The following ATP8B4 variants were observed in gnomAD, a reference collection of about 807,000 sequenced individuals.
ATP8B4 encodes the protein ATPase phospholipid transporting 8B4 (putative), also known as probable phospholipid-transporting ATPase IM.
A neutral mutation model predicts 145.6 loss-of-function variants in ATP8B4; 133 were observed. That is an observed-to-expected ratio of 0.91 (90% confidence interval 0.79 to 1.05). The LOEUF (loss-of-function observed/expected upper bound fraction) is 1.05. ATP8B4 is among the 50% of genes least tolerant of loss of function. ATP8B4 has a pLI of 0.00. For synonymous variants in ATP8B4, 507 were observed against 492.9 expected, an observed-to-expected ratio of 1.03 and a Z score of -0.38; for missense variants, 1,458 against 1,425.2, an observed-to-expected ratio of 1.02 and a Z score of -0.37.
chr15:50,107,066 A>G (rs1334778877), intron 1 of ATP8B4, 58 bp from the exon 2 acceptor site: 8 of 1,136,452 alleles, frequency 7.0e-6, no homozygotes, highest in Non-Finnish European at 9.8e-6. Context: ...CTATAAATTT[A>G]CCTCCTTTAA....
chr15:50,179,661 C>T (rs2044815743), intron 1 of ATP8B4, among the ~76,000 whole-genome samples: 1 of 152,134 alleles, frequency 6.6e-6, no homozygotes, highest in East Asian at 1.9e-4. Context: ...GCAGAGCCCT[C>T]ATGAATGGGA....
intron 6 of ATP8B4, among the ~76,000 whole-genome samples, chr15:50,038,547 G>T (rs892727309): frequency 2.0e-5 from 3 of 152,112 alleles, no homozygotes; most frequent in Admixed American, 6.5e-5. Flanking sequence ...TCCATAAAAG[G>T]TACACCAAAG....
chr15:49,969,889 C>A (rs1255231262), intron 13 of ATP8B4, among the ~76,000 whole-genome samples: 1 of 152,142 alleles, frequency 6.6e-6, no homozygotes, highest in East Asian at 1.9e-4. Flanking sequence ...TACTGGCAAA[C>A]CAAATCCAGC....
At chr15:49,872,325 TACAGTTTTA>T (rs967973814) in intron 25 of ATP8B4, among the ~76,000 whole-genome samples, 1 of 152,176 alleles carries the variant, frequency 6.6e-6, no homozygotes, top group Non-Finnish European at 1.5e-5. Flanking sequence ...TTACACCTGC[TACAGTTTTA>T]ACATATAACC....
intron 12 of ATP8B4, among the ~76,000 whole-genome samples, chr15:49,974,079 G>C (rs971187930): frequency 7.7e-6 from 1 of 129,836 alleles, no homozygotes; most frequent in African/African-American, 3.1e-5. Flanking sequence ...TTTATCATTT[G>C]TCTTTTTTTT....
intron 1 of ATP8B4, among the ~76,000 whole-genome samples, chr15:50,108,136 T>A (rs548161567): frequency 1.1e-4 from 16 of 152,130 alleles, no homozygotes; most frequent in Non-Finnish European, 2.2e-4. Flanking sequence ...AACTCCCCTG[T>A]TGCTCCCTCC....
chr15:50,129,297 G>C (rs2057328810), intron 1 of ATP8B4, among the ~76,000 whole-genome samples: 1 of 152,142 alleles, frequency 6.6e-6, no homozygotes, highest in Non-Finnish European at 1.5e-5. Flanking sequence ...AAGGGAAACT[G>C]ATTCTCTCAC....
intron 20 of ATP8B4, among the ~76,000 whole-genome samples, chr15:49,903,175 T>C (rs1407331872): frequency 6.6e-6 from 1 of 152,204 alleles, no homozygotes; most frequent in East Asian, 1.9e-4. Flanking sequence ...CCACGCTCTG[T>C]AGCTGTCATT....
intron 4 of ATP8B4, among the ~76,000 whole-genome samples, chr15:50,046,471 C>T (rs2051730973): frequency 6.6e-6 from 1 of 152,174 alleles, no homozygotes; most frequent in Admixed American, 6.5e-5. Flanking sequence ...CCCATGAATC[C>T]AGTAATACCT....
At chr15:50,060,035 T>C (rs2153621680) in intron 3 of ATP8B4, among the ~76,000 whole-genome samples, 1 of 152,268 alleles carries the variant, frequency 6.6e-6, no homozygotes, top group South Asian at 2.1e-4. Context: ...ATGAGTTGCC[T>C]ATACCCTCAG....
At chr15:49,962,973 C>T (rs906297352) in intron 13 of ATP8B4, among the ~76,000 whole-genome samples, 2 of 151,986 alleles carry the variant, frequency 1.3e-5, no homozygotes, top group Admixed American at 6.6e-5. Flanking sequence ...TCAGAGTGAA[C>T]AGACAACCTA....
intron 8 of ATP8B4, among the ~76,000 whole-genome samples, chr15:49,999,053 T>A (rs2047670881): frequency 6.6e-6 from 1 of 152,148 alleles, no homozygotes; most frequent in Non-Finnish European, 1.5e-5. Context: ...TAGTTGTAGA[T>A]AAATCATGCT....
chr15:50,102,544 GAACAAACAGAAACTCTGAACAGACCAAT>G (rs1334417297), intron 2 of ATP8B4, among the ~76,000 whole-genome samples: 2 of 151,856 alleles, frequency 1.3e-5, no homozygotes, highest in African/African-American at 4.8e-5. Context: ...ATTAAACCGG[GAACAAACAGAAACTCTGAACAGACCAAT>G]AACAAACAGT....
intron 21 of ATP8B4, 106 bp downstream of exon 21, chr15:49,900,986 G>T: frequency 7.2e-7 from 1 of 1,395,700 alleles, no homozygotes; most frequent in Admixed American, 2.2e-5. Context: ...GTATCTAGTA[G>T]TGACATTTGT....
At chr15:49,946,240 G>A (rs771718353) in intron 14 of ATP8B4, among the ~76,000 whole-genome samples, 42 of 152,054 alleles carry the variant, frequency 2.8e-4, no homozygotes, top group Non-Finnish European at 4.1e-4. Flanking sequence ...TGAAGAAAAC[G>A]ATCTCATCTA....
rs752376204 is a variant in ATP8B4, at chr15:49,961,655, A to G, written c.1287+322T>C. ...AAACTAATCTAGAAAGATCTCCAAG[A>G]TATATTGTTGAGAACGCTGAAGAAC... On this transcript the variant is annotated intron_variant, in intron 14 of 27. Coordinates refer to ENST00000284509, the MANE Select transcript of ATP8B4 (RefSeq NM_024837.4). 4.7e-4 allele frequency among the ~76,000 whole-genome samples: 71 copies of G among 152,304 alleles called. No individual in the cohort carries two copies. In the Middle Eastern group the frequency reaches 0.014, roughly 29 times the overall value.
chr15:50,020,920 C>G (rs1186286228), intron 6 of ATP8B4, among the ~76,000 whole-genome samples: 1 of 152,008 alleles, frequency 6.6e-6, no homozygotes, highest in Admixed American at 6.6e-5. Flanking sequence ...TGATAGATAA[C>G]AGAATATGAC....
At chr15:50,109,557 A>G (rs550990032) in intron 1 of ATP8B4, among the ~76,000 whole-genome samples, 51 of 151,968 alleles carry the variant, frequency 3.4e-4, no homozygotes, top group Non-Finnish European at 6.5e-4. Flanking sequence ...AAAATTCTCC[A>G]GTGGGACTAA....
At chr15:49,943,977 A>G (rs1442459872) in intron 14 of ATP8B4, among the ~76,000 whole-genome samples, 6 of 152,202 alleles carry the variant, frequency 3.9e-5, no homozygotes, top group African/African-American at 1.4e-4. Context: ...GCATTTTTGT[A>G]TGTGATTTAA....
Sources: allele counts gnomAD v4.1 joint callset (sites outside exome capture counted in the v4.1 genomes callset), GRCh38; gene constraint gnomAD v4.1.1; transcripts MANE v1.5; gene names NCBI Gene and HGNC (gene_info 2026-07-23, HGNC 2026-07-21).